ADAMTS13: variants seen among roughly 807,000 people sequenced by gnomAD.
ADAMTS13 encodes A disintegrin and metalloproteinase with thrombospondin motifs 13.
ADAMTS13 carries 110 observed loss-of-function variants against 155.1 expected under a neutral mutation model. The observed-to-expected ratio is 0.71, with a 90% CI of 0.61 to 0.83. The LOEUF (loss-of-function observed/expected upper bound fraction) is 0.83, where lower values mean the gene tolerates loss of function less well. ADAMTS13 is among the 40% of genes least tolerant of loss of function. ADAMTS13 has a pLI of 0.00. For missense variants in ADAMTS13, 1,707 were observed against 1,891.7 expected (o/e 0.90, Z 1.81); for synonymous variants, 758 against 756.4 (o/e 1.00, Z -0.03).
At chr9:133,453,368 G>A (rs1225832783) in intron 23 of ADAMTS13, among the ~76,000 whole-genome samples, 2 of 152,092 alleles carry the variant, frequency 1.3e-5, no homozygotes, top group East Asian at 1.9e-4. Flanking sequence ...CCCAGGAGGC[G>A]GAGCTTGCAG....
chr9:133,422,650 T>TA, intron 1 of ADAMTS13, 102 bp downstream of exon 1: 3 of 1,205,754 alleles, frequency 2.5e-6, no homozygotes, highest in Non-Finnish European at 3.6e-6. Context: ...CTACATCAGC[T>TA]TTGGGGTTTG....
rs587712720 is a variant in ADAMTS13 at position 133,424,380 on chromosome 9, G to A, written c.232G>A (p.Gly78Ser). The change falls in exon 3 of 29, where the codon GGC becomes AGC. Residue 78 changes from glycine to serine, a missense_variant. Physicochemically the swap from Gly to Ser is moderately conservative, Grantham distance 56. Transcript: ENST00000355699. The surrounding 1 kb of genome is among the most constrained non-coding windows in gnomAD (Gnocchi z 4.3). The stretch of plus-strand genomic sequence containing the variant: ...GCAGAGGCAGAGGCGGGCTGCAGGC[G>A]GCATCCTACACCTGGAGCTGCTGGT... ...QRQRQRRAAG[G>S]ILHLELLVAV... is the part of the protein sequence containing the mutation. 2.1e-5 allele frequency: 34 copies of A among 1,613,494 alleles called. No homozygotes were observed. In the South Asian group the frequency reaches 2.2e-4, roughly 10 times the overall value.
Position 133,456,233 on chromosome 9 carries a change from C to T in ADAMTS13, c.3547+18C>T. 6.2e-7 allele frequency: 1 copy of T among 1,613,266 alleles called. No homozygotes were observed. Among genetic ancestry groups the T allele is most frequent in the Non-Finnish European group, 8.5e-7 (1 of 1,180,022 alleles). ...CAGTGCGGGTATGTCTAGGGCCATG[C>T]AAGCGATGCTGCCAGTTATGGGCCC... On this transcript the variant is annotated intron_variant, in intron 26 of 28. Coordinates refer to ENST00000355699, the MANE Select transcript of ADAMTS13 (RefSeq NM_139027.6). This position sits in a 1 kb window ranked among gnomAD's most constrained non-coding sequence, Gnocchi z 4.4.
At chr9:133,450,437 A>C (rs1842365793) in intron 23 of ADAMTS13, among the ~76,000 whole-genome samples, 2 of 151,884 alleles carry the variant, frequency 1.3e-5, no homozygotes, top group African/African-American at 2.4e-5. Flanking sequence ...GTGTGGTGGT[A>C]CATGCCTGTA....
At position 133,440,236 on chromosome 9, in the gene ADAMTS13, C is replaced by CTCCTTAGA; in HGVS notation, c.1787-107_1787-100dup. On this transcript the variant is annotated intron_variant, in intron 15 of 28. Coordinates refer to ENST00000355699, the MANE Select transcript of ADAMTS13 (RefSeq NM_139027.6). The surrounding 1 kb of genome is among the most constrained non-coding windows in gnomAD (Gnocchi z 4.3). ...AAGCCTCTAGCTCAGATGCCTGTGG[C>CTCCTTAGA]TCCTTAGAGGAGGGCTGGGGACCCC... 7.1e-7 allele frequency: 1 copy of CTCCTTAGA among 1,407,182 alleles called. No homozygotes were observed. Among genetic ancestry groups the CTCCTTAGA allele is most frequent in the Admixed American group, 1.7e-5 (1 of 58,574 alleles). The allele number at this position is 1,407,182 out of a possible 1,614,324, so 87.2% of individuals were successfully genotyped here.
At chr9:133,428,510 G>A in intron 6 of ADAMTS13, 124 bp from the exon 7 acceptor site, 1 of 544,354 alleles carries the variant, frequency 1.8e-6, no homozygotes, top group Non-Finnish European at 2.6e-6. Context: ...GACCCGGGTC[G>A]GAAAACTCGC....
Position 133,438,343 on chromosome 9 carries a change from C to G in ADAMTS13, c.1682C>G (p.Ser561Cys). ...DNSTCSPRKGSFTAGRAREYV... is the reference protein window; with the variant it reads ...DNSTCSPRKGCFTAGRAREYV... ...AGCACGTGCAGCCCACGGAAGGGCT[C>G]TTTCACAGCTGGCAGAGCGAGAGGT... Residue 561 changes from serine to cysteine, a missense_variant, in exon 14 of 29, where the codon TCT becomes TGT. Coordinates refer to ENST00000355699, the MANE Select transcript of ADAMTS13 (RefSeq NM_139027.6). The G allele has an allele frequency of 6.2e-7, 1 of 1,614,048 alleles. No individual in the cohort carries two copies. The highest frequency in any genetic ancestry group is 8.5e-7 in the Non-Finnish European group (1 of 1,180,016).
chr9:133,418,117 C>T, upstream of ADAMTS13: 1 of 496,810 alleles, frequency 2.0e-6, no homozygotes, highest in East Asian at 3.5e-5. Context: ...TTCACCCGCA[C>T]GGGACTTGGG....
At position 133,437,833 on chromosome 9, in the gene ADAMTS13, G is replaced by A. The variant is rs281875296; in HGVS notation, c.1520G>A (p.Arg507Gln). 6.8e-6 allele frequency: 11 copies of A among 1,613,974 alleles called. No homozygotes were observed. Among genetic ancestry groups the A allele is most frequent in the Admixed American group, 3.3e-5 (2 of 60,030 alleles). ...KRGDSFLDGT[R>Q]CMPSGPREDG... ...GGAGACAGCTTCCTCGATGGGACCC[G>A]GTGTATGCCAAGTGGCCCCCGGGAG... The change falls in exon 13 of 29, where the codon CGG (arginine) becomes CAG (glutamine). Residue 507 changes from arginine to glutamine, a missense_variant. Transcript: ENST00000355699.
intron 27 of ADAMTS13, 105 bp from the exon 28 acceptor site, chr9:133,457,805 A>T: frequency 6.9e-7 from 1 of 1,455,658 alleles, no homozygotes; most frequent in Non-Finnish European, 9.6e-7. Flanking sequence ...CCCAATATTG[A>T]CCACAGTGCC....
upstream of ADAMTS13, chr9:133,417,623 T>C: frequency 1.2e-6 from 2 of 1,613,512 alleles, no homozygotes; most frequent in African/African-American, 1.3e-5. Context: ...GCCTCACCTC[T>C]TGCAGCGCCT....
rs866538866 is a variant in ADAMTS13, at chr9:133,424,596, G to A, written c.330+118G>A. 8.2e-6 allele frequency: 12 copies of A among 1,466,506 alleles called. No individual in the cohort carries two copies. In the East Asian group the frequency reaches 1.7e-4, roughly 21 times the overall value. The allele number at this position is 1,466,506 out of a possible 1,614,324, so 90.8% of individuals were successfully genotyped here. A position where few individuals can be genotyped will look rare whatever the true frequency, so the allele number is the denominator to read the frequency against. Reference sequence around the variant, plus strand: ...GGGTTAAACTCAGGTAGAATGGCTCGGGGTTCTTCCTCTTCTCCCTCCCTC... The same window carrying A: ...GGGTTAAACTCAGGTAGAATGGCTCAGGGTTCTTCCTCTTCTCCCTCCCTC... On this transcript the variant is annotated intron_variant, in intron 3 of 28. Transcript: ENST00000355699. This position sits in a 1 kb window ranked among gnomAD's most constrained non-coding sequence, Gnocchi z 4.3.
chr9:133,457,830 G>A (rs1010410561), intron 27 of ADAMTS13, 80 bp from the exon 28 acceptor site: 74 of 1,575,576 alleles, frequency 4.7e-5, no homozygotes, highest in Admixed American at 6.7e-5. Flanking sequence ...TGCCCTGCAC[G>A]GCTCCCTGGC....
chr9:133,454,138 G>A (rs1336913197), intron 23 of ADAMTS13, among the ~76,000 whole-genome samples: 2 of 152,090 alleles, frequency 1.3e-5, no homozygotes, highest in African/African-American at 2.4e-5. Context: ...GCAACCCCTG[G>A]GGTGCTGACA....
rs1841280876 is a variant in ADAMTS13, at chr9:133,436,930, G to C, written c.1410G>C (p.Trp470Cys). ...SSPGGASFYHWGAAVPHSQGD... is the reference protein window; with the variant it reads ...SSPGGASFYHCGAAVPHSQGD... ...CTGGCGGCGCCTCCTTCTACCACTG[G>C]GGTGCTGCTGTACCACACAGCCAAG... Residue 470 changes from tryptophan to cysteine, a missense_variant, in exon 12 of 29, where the codon TGG (tryptophan) becomes TGC (cysteine). Around this residue, in one of 3 missense-constraint regions of ADAMTS13, gnomAD observed 733 missense variants for 749.6 expected, o/e 0.98. Coordinates refer to ENST00000355699, the MANE Select transcript of ADAMTS13 (RefSeq NM_139027.6). 1 of 1,593,404 alleles carries C rather than the reference G, an allele frequency of 6.3e-7. No individual in the cohort carries two copies. The highest frequency in any genetic ancestry group is 1.8e-5 in the Admixed American group (1 of 56,542).
At chr9:133,430,312 C>A in intron 8 of ADAMTS13, 1 of 736,552 alleles carries the variant, frequency 1.4e-6, no homozygotes, top group Non-Finnish European at 2.3e-6. Context: ...TTTGACTGGG[C>A]CCCACAAATT....
chr9:133,428,640 C>T lies in ADAMTS13; in HGVS notation c.693C>T (p.Gly231=). The change falls in exon 7 of 29, where the codon GGC becomes GGT. Residue 231 remains glycine (G), a synonymous_variant. Coordinates refer to ENST00000355699, the MANE Select transcript of ADAMTS13 (RefSeq NM_139027.6). ...CTCCCCGCCCCCCGACCAGCTTCGG[C>T]CTGGAGCACGACGGCGCGCCCGGCA... ...TIAHEIGHSF[G]LEHDGAPGSG... The T allele has an allele frequency of 1.5e-6, 2 of 1,305,016 alleles. No individual in the cohort carries two copies. Among genetic ancestry groups the T allele is most frequent in the Non-Finnish European group, 9.8e-7 (1 of 1,018,768 alleles). The allele number at this position is 1,305,016 out of a possible 1,614,324, so 80.8% of individuals were successfully genotyped here. A position where few individuals can be genotyped will look rare whatever the true frequency, so the allele number is the denominator to read the frequency against.
rs1554785960 is a variant in ADAMTS13, at chr9:133,428,737, C to A, written c.790C>A (p.Pro264Thr). The A allele has an allele frequency of 7.3e-7, 1 of 1,360,862 alleles. No homozygotes were observed. Among genetic ancestry groups the A allele is most frequent in the Admixed American group, 2.8e-5 (1 of 35,968 alleles). 84.3% of individuals were successfully genotyped at this position (1,360,862 alleles called of 1,614,324 possible). The change falls in exon 7 of 29, where the codon CCC (proline) becomes ACC (threonine). Residue 264 changes from proline (P) to threonine (T), a missense_variant. Coordinates refer to ENST00000355699, the MANE Select transcript of ADAMTS13 (RefSeq NM_139027.6). ...GCCCCGCGCCGGCCTCGCCTGGTCC[C>A]CCTGCAGCCGCCGGCAGCTGCTGAG... is the stretch of plus-strand genomic sequence containing the variant. ...AAPRAGLAWS[P>T]CSRRQLLSLL...
At chr9:133,451,822 G>A (rs1179567556) in intron 23 of ADAMTS13, among the ~76,000 whole-genome samples, 2 of 145,170 alleles carry the variant, frequency 1.4e-5, no homozygotes, top group Non-Finnish European at 3.0e-5. Flanking sequence ...ACCTTGGGAA[G>A]TCAAGGCTGC....
Sources: gnomAD v4.1 joint callset for allele counts (sites outside exome capture counted in the v4.1 genomes callset) on GRCh38, gnomAD v4.1.1 for gene constraint, gnomAD v4.1.1 regional missense constraint, Gnocchi (gnomAD v3.1) non-coding constraint, MANE v1.5 for transcripts, NCBI Gene and HGNC (gene_info 2026-07-23, HGNC 2026-07-21) for gene names.